Variants in CDK14 observed in about 807,000 individuals in gnomAD.
The protein encoded by CDK14 is cyclin dependent kinase 14, also known as cyclin-dependent kinase 14.
CDK14 carries 34 observed loss-of-function variants against 60.7 expected under a neutral mutation model. The observed-to-expected ratio is 0.56, with a 90% CI of 0.43 to 0.75. CDK14 has a LOEUF of 0.75. Ranked by LOEUF, CDK14 falls within the 30% of genes least tolerant of loss-of-function variation. The pLI, the probability that CDK14 is intolerant of heterozygous loss-of-function variation, is 0.00. For missense variants in CDK14, 482 were observed against 564.1 expected (o/e 0.85, Z 1.47); for synonymous variants, 197 against 203.7 (o/e 0.97, Z 0.28).
chr7:90,643,698 G>A (rs1800397412), intron 2 of CDK14, among the ~76,000 whole-genome samples: 1 of 152,170 alleles, frequency 6.6e-6, no homozygotes, highest in Non-Finnish European at 1.5e-5. Flanking sequence ...CCAGATGACA[G>A]CTTCTCTTTA....
chr7:91,036,207 G>A (rs976954589), intron 10 of CDK14, among the ~76,000 whole-genome samples: 9 of 152,146 alleles, frequency 5.9e-5, no homozygotes, highest in Non-Finnish European at 8.8e-5. Context: ...CATGAGGGTC[G>A]GCTGGAGCTC....
intron 2 of CDK14, among the ~76,000 whole-genome samples, chr7:90,687,697 C>T (rs1393326767): frequency 6.6e-6 from 1 of 152,010 alleles, no homozygotes; most frequent in Non-Finnish European, 1.5e-5. Flanking sequence ...TAAGAGTCTC[C>T]TTCTCACCCC....
chr7:90,790,142 G>C (rs765128754), intron 4 of CDK14, among the ~76,000 whole-genome samples: 1 of 147,992 alleles, frequency 6.8e-6, no homozygotes, highest in Non-Finnish European at 1.5e-5. Context: ...TCAAGTTTCT[G>C]TCCTTGGGAA....
intron 10 of CDK14, among the ~76,000 whole-genome samples, chr7:91,018,665 A>G (rs961227117): frequency 1.3e-5 from 2 of 152,162 alleles, no homozygotes; most frequent in African/African-American, 2.4e-5. Context: ...TGTTTGCATG[A>G]TAGTGAGTGA....
At chr7:90,963,623 G>A (rs1794667065) in intron 9 of CDK14, among the ~76,000 whole-genome samples, 1 of 150,286 alleles carries the variant, frequency 6.7e-6, no homozygotes, top group African/African-American at 2.4e-5. Context: ...ATTGCAGTGG[G>A]AATATATGTG....
intron 5 of CDK14, among the ~76,000 whole-genome samples, chr7:90,811,032 C>T (rs1789080448): frequency 6.6e-6 from 1 of 152,138 alleles, no homozygotes; most frequent in Non-Finnish European, 1.5e-5. Flanking sequence ...GTGAGAATGG[C>T]CATACTGCCC....
At chr7:90,700,476 A>T (rs551565901) in intron 2 of CDK14, among the ~76,000 whole-genome samples, 2 of 152,330 alleles carry the variant, frequency 1.3e-5, no homozygotes, top group South Asian at 4.1e-4. Flanking sequence ...GTCCATCCAG[A>T]TAATCTTCTA....
intron 5 of CDK14, among the ~76,000 whole-genome samples, chr7:90,821,613 G>A (rs1299327420): frequency 6.6e-6 from 1 of 152,212 alleles, no homozygotes; most frequent in Non-Finnish European, 1.5e-5. Flanking sequence ...CTGTGGAGTA[G>A]CTGAAGGATG....
chr7:90,618,749 C>G (rs1210917229), intron 2 of CDK14, among the ~76,000 whole-genome samples: 1 of 152,154 alleles, frequency 6.6e-6, no homozygotes, highest in East Asian at 1.9e-4. Context: ...TGGACTAGTT[C>G]TGCAAGTATT....
intron 7 of CDK14, among the ~76,000 whole-genome samples, chr7:90,902,363 C>A (rs868304999): frequency 6.6e-6 from 1 of 152,014 alleles, no homozygotes; most frequent in Non-Finnish European, 1.5e-5. Context: ...GCTATAGTAA[C>A]GAAAACAACA....
chr7:91,096,559 T>A (rs1798998399), intron 12 of CDK14, among the ~76,000 whole-genome samples: 1 of 152,002 alleles, frequency 6.6e-6, no homozygotes, highest in South Asian at 2.1e-4. Context: ...AAATATTTGT[T>A]GTTTAAAAAA....
chr7:90,754,006 C>T (rs1435315904), intron 4 of CDK14, among the ~76,000 whole-genome samples: 1 of 152,166 alleles, frequency 6.6e-6, no homozygotes, highest in Admixed American at 6.5e-5. Context: ...AAAAACATTT[C>T]GTGCTTTTGG....
At chr7:91,063,451 C>A (rs1273115439) in intron 11 of CDK14, among the ~76,000 whole-genome samples, 1 of 152,260 alleles carries the variant, frequency 6.6e-6, no homozygotes, top group Non-Finnish European at 1.5e-5. Flanking sequence ...TCATGCAGCA[C>A]TGGCAGAGAG....
At chr7:90,877,811 G>C (rs1253565230) in intron 6 of CDK14, among the ~76,000 whole-genome samples, 1 of 151,902 alleles carries the variant, frequency 6.6e-6, no homozygotes, top group Admixed American at 6.6e-5. Context: ...AAAGGACCAG[G>C]GATCTTTAAA....
intron 2 of CDK14, among the ~76,000 whole-genome samples, chr7:90,685,426 T>C (rs1172051298): frequency 6.6e-6 from 1 of 152,110 alleles, no homozygotes; most frequent in African/African-American, 2.4e-5. Context: ...TGTTTCAAAA[T>C]TTAAAACATT....
intron 2 of CDK14, among the ~76,000 whole-genome samples, chr7:90,628,857 C>CAG (rs150217210): frequency 9.3e-5 from 14 of 150,428 alleles, no homozygotes; most frequent in South Asian, 4.2e-4. Flanking sequence ...GAGAGAGAGA[C>CAG]AGAGAGAGAG....
At chr7:91,034,973 CACACAT>C (rs1796878379) in intron 10 of CDK14, among the ~76,000 whole-genome samples, 1 of 151,782 alleles carries the variant, frequency 6.6e-6, no homozygotes, top group Non-Finnish European at 1.5e-5. Context: ...CACACACACA[CACACAT>C]TGATAGCTTA....
At chr7:90,617,703 G>A (rs180851527) in intron 2 of CDK14, among the ~76,000 whole-genome samples, 30 of 152,234 alleles carry the variant, frequency 2.0e-4, no homozygotes, top group African/African-American at 7.0e-4. Flanking sequence ...TCAAGGTTAC[G>A]TTAAAACTAA....
At chr7:90,957,428 G>A (rs1794462093) in intron 9 of CDK14, among the ~76,000 whole-genome samples, 1 of 152,096 alleles carries the variant, frequency 6.6e-6, no homozygotes, top group Admixed American at 6.6e-5. Context: ...GTTTGCAGAC[G>A]ACATGATTAT....
Sources: allele counts gnomAD v4.1 joint callset (sites outside exome capture counted in the v4.1 genomes callset), GRCh38; gene constraint gnomAD v4.1.1; transcripts MANE v1.5; gene names NCBI Gene and HGNC (gene_info 2026-07-23, HGNC 2026-07-21).